STAT3: variants seen among roughly 807,000 people sequenced by gnomAD.
The protein encoded by STAT3 is DNA-binding protein APRF.
Under a neutral mutation model 114.3 loss-of-function variants are expected in STAT3, and 7 were observed. The observed-to-expected ratio is 0.06, with a 90% CI of 0.03 to 0.11. The LOEUF (loss-of-function observed/expected upper bound fraction) is 0.11, where lower values mean the gene tolerates loss of function less well. Among genes scored for constraint, STAT3 ranks in the 10% least tolerant of loss-of-function variants. The probability of loss-of-function intolerance (pLI) is 1.00; values close to 1 mark genes in which losing one functional copy is unlikely to be tolerated. For missense variants in STAT3, 364 were observed against 960.9 expected (o/e 0.38, Z 8.21); for synonymous variants, 331 against 354.5 (o/e 0.93, Z 0.74).
At chr17:42,339,457 G>T in intron 4 of STAT3, 48 bp from the exon 5 acceptor site, 2 of 1,581,374 alleles carry the variant, frequency 1.3e-6, no homozygotes, top group East Asian at 2.2e-5. Context: ...ACTATGGGGA[G>T]AGGAATACCT....
At chr17:42,355,957 A>C (rs916560595) in intron 1 of STAT3, among the ~76,000 whole-genome samples, 1 of 152,174 alleles carries the variant, frequency 6.6e-6, no homozygotes, top group Non-Finnish European at 1.5e-5. Flanking sequence ...AAGTGATCTA[A>C]AGATAACTTC....
intron 23 of STAT3, 195 bp from the exon 24 acceptor site, chr17:42,315,995 C>G: frequency 6.9e-7 from 1 of 1,455,474 alleles, no homozygotes; most frequent in Non-Finnish European, 9.0e-7. Context: ...AGGGTCCTTT[C>G]TCATTCCCAC....
chr17:42,376,719 G>A (rs759602197), intron 1 of STAT3, among the ~76,000 whole-genome samples: 2 of 151,722 alleles, frequency 1.3e-5, no homozygotes, highest in East Asian at 1.9e-4. Context: ...TGTGACGGGC[G>A]CCTGTAGTCC....
At chr17:42,385,938 A>G (rs1020407590) in intron 1 of STAT3, among the ~76,000 whole-genome samples, 8 of 152,150 alleles carry the variant, frequency 5.3e-5, no homozygotes, top group Non-Finnish European at 1.2e-4. Flanking sequence ...CCTCCCATGA[A>G]GTCTTTCAGC....
rs200171210 is a variant in STAT3 at position 42,329,510 on chromosome 17, C to G, written c.1233+44G>C. On this transcript the variant is annotated intron_variant, in intron 13 of 23. Coordinates refer to ENST00000264657, the MANE Select transcript of STAT3 (RefSeq NM_139276.3). ...CTGTGAGGCTCTCCCTAGCCCTCTC[C>G]GGCAGCCAGAGGCCCTTTGTGAAGG... The G allele has an allele frequency of 5.1e-4, 821 of 1,614,016 alleles. No homozygotes were observed. Among genetic ancestry groups the G allele is most frequent in the Admixed American group, 8.3e-4 (50 of 59,996 alleles).
chr17:42,385,503 C>T (rs1246229199), intron 1 of STAT3, among the ~76,000 whole-genome samples: 2 of 101,330 alleles, frequency 2.0e-5, no homozygotes, highest in Admixed American at 2.4e-4. Flanking sequence ...AGTGCAACTC[C>T]AACTCAAAAA....
chr17:42,346,629 G>A lies in STAT3; in HGVS notation c.213C>T (p.Phe71=), dbSNP rs530451908. 2 of 1,614,116 alleles carry A rather than the reference G, an allele frequency of 1.2e-6. No homozygotes were observed. Among genetic ancestry groups the A allele is most frequent in the East Asian group, 2.2e-5 (1 of 44,878 alleles). ...LGEIDQQYSR[F]LQESNVLYQH... Reference sequence around the variant, plus strand: ...GATAGAGAACATTCGACTCTTGCAGGAAGCGGCTATACTGCTGGTCAATCT... The same window carrying A: ...GATAGAGAACATTCGACTCTTGCAGAAAGCGGCTATACTGCTGGTCAATCT... The change falls in exon 3 of 24, where the codon TTC becomes TTT. Residue 71 remains phenylalanine (F), a synonymous_variant. Coordinates refer to ENST00000264657, the MANE Select transcript of STAT3 (RefSeq NM_139276.3).
chr17:42,316,205 A>G lies in STAT3; in HGVS notation c.2258-405T>C. On this transcript the variant is annotated intron_variant, in intron 23 of 23. Transcript: ENST00000264657. ...TTAAAGGCTTAGTATGAAAAAAAAG[A>G]ATAAAAAAAGGTCTCAACTTTTTCT... The G allele has an allele frequency of 5.2e-6, 3 of 578,604 alleles. No homozygotes were observed. In the South Asian group the frequency reaches 8.4e-5, roughly 16 times the overall value. 35.8% of individuals were successfully genotyped at this position (578,604 alleles called of 1,614,324 possible). A position where few individuals can be genotyped will look rare whatever the true frequency, so the allele number is the denominator to read the frequency against.
chr17:42,321,932 T>TC (rs1256178335), intron 21 of STAT3, among the ~76,000 whole-genome samples: 1 of 152,168 alleles, frequency 6.6e-6, no homozygotes, highest in African/African-American at 2.4e-5. Flanking sequence ...CAGGTGATCC[T>TC]CCCACCTCAG....
intron 1 of STAT3, among the ~76,000 whole-genome samples, chr17:42,359,818 TGA>T (rs1795803450): frequency 1.3e-5 from 2 of 151,990 alleles, no homozygotes; most frequent in African/African-American, 4.8e-5. Flanking sequence ...CCCAACACTT[TGA>T]GAGGCTGAGG....
chr17:42,370,194 C>G (rs938491875), intron 1 of STAT3, among the ~76,000 whole-genome samples: 2 of 150,800 alleles, frequency 1.3e-5, no homozygotes, highest in African/African-American at 4.9e-5. Flanking sequence ...TCAAGTGATC[C>G]GCCCACCTTG....
intron 11 of STAT3, among the ~76,000 whole-genome samples, chr17:42,330,680 C>A (rs1037664110): frequency 2.6e-5 from 4 of 152,058 alleles, no homozygotes; most frequent in African/African-American, 9.7e-5. Context: ...CCGCCCGCCT[C>A]GGCCTCCCAA....
intron 1 of STAT3, among the ~76,000 whole-genome samples, chr17:42,361,737 G>A (rs769884878): frequency 5.3e-5 from 8 of 152,014 alleles, no homozygotes; most frequent in Middle Eastern, 3.2e-3. Flanking sequence ...AGGAGACCAC[G>A]GCAGAAGAGG....
intron 1 of STAT3, among the ~76,000 whole-genome samples, chr17:42,355,961 T>C (rs1419312523): frequency 6.6e-6 from 1 of 152,188 alleles, no homozygotes; most frequent in African/African-American, 2.4e-5. Flanking sequence ...GATCTAAAGA[T>C]AACTTCTGTT....
At chr17:42,338,860 T>G (rs1262537861) in intron 5 of STAT3, 48 bp from the exon 6 acceptor site, 2 of 1,508,772 alleles carry the variant, frequency 1.3e-6, no homozygotes, top group Admixed American at 1.7e-5. Context: ...AAAGATTTCC[T>G]TGGGAACAGA....
At chr17:42,376,088 T>G (rs1217372294) in intron 1 of STAT3, among the ~76,000 whole-genome samples, 1 of 150,618 alleles carries the variant, frequency 6.6e-6, no homozygotes, top group African/African-American at 2.4e-5. Context: ...GAGGTGGAGG[T>G]TGCAGTGAGC....
intron 1 of STAT3, among the ~76,000 whole-genome samples, chr17:42,376,240 A>C (rs146827747): frequency 6.6e-6 from 1 of 152,172 alleles, no homozygotes; most frequent in East Asian, 1.9e-4. Context: ...CTGTCTGTTC[A>C]GGGAAAGCAA....
At chr17:42,321,166 C>G (rs908102834) in intron 21 of STAT3, among the ~76,000 whole-genome samples, 1 of 139,516 alleles carries the variant, frequency 7.2e-6, no homozygotes, top group Non-Finnish European at 1.5e-5. Context: ...GTCACCCAGG[C>G]TGGAGTGCAG....
intron 1 of STAT3, among the ~76,000 whole-genome samples, chr17:42,365,662 G>GTT (rs1221742763): frequency 4.7e-5 from 6 of 127,404 alleles, no homozygotes; most frequent in South Asian, 5.1e-4. Context: ...GTTTTTTTTT[G>GTT]TTTTTTTTTT....
Sources: gnomAD v4.1 joint callset for allele counts (sites outside exome capture counted in the v4.1 genomes callset) on GRCh38, gnomAD v4.1.1 for gene constraint, MANE v1.5 for transcripts, NCBI Gene and HGNC (gene_info 2026-07-23, HGNC 2026-07-21) for gene names.